Variants in LRP1B observed in about 807,000 individuals in gnomAD.
The protein encoded by LRP1B is low-density lipoprotein receptor-related protein 1B.
LRP1B carries 217 observed loss-of-function variants against 556.6 expected under a neutral mutation model. The ratio of observed to expected loss-of-function variants is 0.39; its 90% CI spans 0.35 to 0.44. LRP1B has a LOEUF of 0.44. LRP1B is among the 20% of genes least tolerant of loss of function. The probability of loss-of-function intolerance (pLI) is 1.00; values close to 1 mark genes in which losing one functional copy is unlikely to be tolerated. For missense variants in LRP1B, 5,053 were observed against 5,620.8 expected, an observed-to-expected ratio of 0.90 and a Z score of 3.23; for synonymous variants, 2,047 against 1,865.8, an observed-to-expected ratio of 1.10 and a Z score of -2.50.
chr2:141,198,021 A>T (rs2105217905), intron 6 of LRP1B, among the ~76,000 whole-genome samples: 1 of 152,250 alleles, frequency 6.6e-6, no homozygotes, highest in Non-Finnish European at 1.5e-5. Context: ...AGGAAAAGGT[A>T]AGATTATGAA....
intron 41 of LRP1B, among the ~76,000 whole-genome samples, chr2:140,660,176 T>C (rs1024836035): frequency 4.6e-5 from 7 of 152,120 alleles, no homozygotes; most frequent in Admixed American, 4.6e-4. Context: ...AAGTGTTTTT[T>C]TCAACTTTTA....
intron 41 of LRP1B, among the ~76,000 whole-genome samples, chr2:140,645,018 C>T (rs1468320169): frequency 6.6e-6 from 1 of 152,034 alleles, no homozygotes; most frequent in Non-Finnish European, 1.5e-5. Context: ...CTCGGATTTC[C>T]ACTTTTTCTA....
At chr2:141,637,268 C>T (rs1247762415) in intron 2 of LRP1B, among the ~76,000 whole-genome samples, 1 of 151,900 alleles carries the variant, frequency 6.6e-6, no homozygotes, top group Non-Finnish European at 1.5e-5. Context: ...TTAAAGTAAC[C>T]GAGGAATATC....
intron 41 of LRP1B, among the ~76,000 whole-genome samples, chr2:140,679,200 G>A (rs528154715): frequency 9.8e-5 from 15 of 152,286 alleles, no homozygotes; most frequent in African/African-American, 3.4e-4. Context: ...TTAGATTAGA[G>A]TCCACCCATT....
At chr2:141,440,616 C>T (rs1680928279) in intron 3 of LRP1B, among the ~76,000 whole-genome samples, 1 of 152,232 alleles carries the variant, frequency 6.6e-6, no homozygotes, top group Admixed American at 6.5e-5. Flanking sequence ...TTCTACTGTA[C>T]AGTAGCTTTC....
chr2:140,914,711 A>G (rs1029995666), intron 21 of LRP1B, among the ~76,000 whole-genome samples: 1 of 152,178 alleles, frequency 6.6e-6, no homozygotes, highest in Non-Finnish European at 1.5e-5. Flanking sequence ...GGTAGAGGAA[A>G]ATGGGCAAGG....
intron 11 of LRP1B, among the ~76,000 whole-genome samples, chr2:141,024,118 T>C (rs1698147541): frequency 6.6e-6 from 1 of 152,042 alleles, no homozygotes; most frequent in African/African-American, 2.4e-5. Context: ...ATAGCTCATA[T>C]GTATCTGACA....
At chr2:141,947,494 A>C (rs575502767) in intron 1 of LRP1B, among the ~76,000 whole-genome samples, 11 of 152,020 alleles carry the variant, frequency 7.2e-5, no homozygotes, top group African/African-American at 2.7e-4. Flanking sequence ...ACTGTGCCCA[A>C]AACACCAAAT....
At position 141,324,952 on chromosome 2, in the gene LRP1B, T is replaced by A. The variant is rs1687380194; in HGVS notation, c.344-70311A>T. On this transcript the variant is annotated intron_variant, in intron 3 of 90. Transcript: ENST00000389484. The stretch of plus-strand genomic sequence containing the variant: ...AAGTAAAATATTTTATTCAGGATGG[T>A]ATTGTTTCTCCTTTTCCAATGAATA... 2.0e-5 allele frequency among the ~76,000 whole-genome samples: 3 copies of A among 152,178 alleles called. No individual in the cohort carries two copies. In the South Asian group the frequency reaches 6.2e-4, roughly 32 times the overall value.
intron 41 of LRP1B, among the ~76,000 whole-genome samples, chr2:140,671,220 GA>G (rs1380255474): frequency 6.6e-6 from 1 of 151,898 alleles, no homozygotes; most frequent in South Asian, 2.1e-4. Flanking sequence ...GGCTCATTTA[GA>G]AAAAAATATG....
At chr2:142,115,053 C>T (rs1044627457) in intron 1 of LRP1B, among the ~76,000 whole-genome samples, 2 of 151,752 alleles carry the variant, frequency 1.3e-5, no homozygotes, top group Non-Finnish European at 2.9e-5. Context: ...AATAGAAATA[C>T]ATAAGGTAAT....
intron 2 of LRP1B, among the ~76,000 whole-genome samples, chr2:141,713,679 A>G (rs1692459814): frequency 6.6e-6 from 1 of 152,218 alleles, no homozygotes; most frequent in Non-Finnish European, 1.5e-5. Context: ...TCAAATTTAA[A>G]TTGAACAATT....
chr2:141,169,875 A>T, intron 7 of LRP1B, among the ~76,000 whole-genome samples: 1 of 151,736 alleles, frequency 6.6e-6, no homozygotes, highest in East Asian at 1.9e-4. Context: ...TAGCTTATTC[A>T]TGAGGATTTT....
At chr2:140,714,871 C>T (rs573493109) in intron 37 of LRP1B, among the ~76,000 whole-genome samples, 1 of 152,036 alleles carries the variant, frequency 6.6e-6, no homozygotes, top group East Asian at 1.9e-4. Flanking sequence ...AGAACACGTA[C>T]AGCTACCAGG....
At chr2:141,231,328 T>C (rs1683456617) in intron 5 of LRP1B, among the ~76,000 whole-genome samples, 1 of 152,226 alleles carries the variant, frequency 6.6e-6, no homozygotes, top group Non-Finnish European at 1.5e-5. Flanking sequence ...GTGAATATGA[T>C]TTGGGGCCTC....
rs1559131139 is a variant in LRP1B, at chr2:141,544,335, T to TTCC, written c.206-63803_206-63802insGGA. On this transcript the variant is annotated intron_variant, in intron 2 of 90. Transcript: ENST00000389484. ...CTTCTTCTTCTTCTTCTTCTTCTTCTTCTTCTTCTTCTTCTTCTTCTTCTT... is the reference window on the plus strand; with the variant it reads ...CTTCTTCTTCTTCTTCTTCTTCTTCTTCCTCTTCTTCTTCTTCTTCTTCTTCTT... Among the ~76,000 whole-genome samples, 77 of 66,758 alleles carry TTCC rather than the reference T, an allele frequency of 1.2e-3. 3 individuals carry two copies. Among genetic ancestry groups the TTCC allele is most frequent in the African/African-American group, 4.2e-3 (75 of 17,746 alleles). 43.8% of individuals were successfully genotyped at this position (66,758 alleles called of 152,430 possible). A position where few individuals can be genotyped will look rare whatever the true frequency, so the allele number is the denominator to read the frequency against.
chr2:141,004,218 C>T (rs1697505470), intron 15 of LRP1B, among the ~76,000 whole-genome samples: 1 of 151,964 alleles, frequency 6.6e-6, no homozygotes, highest in Non-Finnish European at 1.5e-5. Context: ...ACATGGGGTG[C>T]TCAGATGTTT....
chr2:140,353,676 CA>C, intron 75 of LRP1B, among the ~76,000 whole-genome samples: 1 of 152,144 alleles, frequency 6.6e-6, no homozygotes, highest in Admixed American at 6.6e-5. Flanking sequence ...TTAGTTTCTC[CA>C]GTTTTTGCTC....
chr2:140,564,499 C>G (rs1681054473), intron 43 of LRP1B, among the ~76,000 whole-genome samples: 1 of 151,968 alleles, frequency 6.6e-6, no homozygotes, highest in Non-Finnish European at 1.5e-5. Context: ...GCTTATGTAA[C>G]ATTCAAAAAG....
Sources: gnomAD v4.1 joint callset for allele counts (sites outside exome capture counted in the v4.1 genomes callset) on GRCh38, gnomAD v4.1.1 for gene constraint, MANE v1.5 for transcripts, NCBI Gene and HGNC (gene_info 2026-07-23, HGNC 2026-07-21) for gene names.